The following FAM219A variants were observed in gnomAD, a reference collection of about 807,000 sequenced individuals.
FAM219A encodes protein FAM219A.
FAM219A carries 7 observed loss-of-function variants against 23.4 expected under a neutral mutation model. That is an observed-to-expected ratio of 0.30 (90% confidence interval 0.17 to 0.56). FAM219A has a LOEUF of 0.56. Among genes scored for constraint, FAM219A ranks in the 20% least tolerant of loss-of-function variants. The pLI is 0.92. For synonymous variants in FAM219A, 93 were observed against 99.0 expected, an observed-to-expected ratio of 0.94 and a Z score of 0.36; for missense variants, 166 against 246.9, an observed-to-expected ratio of 0.67 and a Z score of 2.20.
At chr9:34,415,775 T>C (rs1821979845) in intron 1 of FAM219A, among the ~76,000 whole-genome samples, 1 of 152,192 alleles carries the variant, frequency 6.6e-6, no homozygotes, top group African/African-American at 2.4e-5. Context: ...GAAGTGGGAC[T>C]TAAATGGAGA....
intron 1 of FAM219A, among the ~76,000 whole-genome samples, chr9:34,452,195 G>A (rs1370625261): frequency 6.6e-6 from 1 of 152,210 alleles, no homozygotes; most frequent in East Asian, 1.9e-4. Flanking sequence ...ACTGGCAGAT[G>A]AGCGTGTTTC....
intron 1 of FAM219A, among the ~76,000 whole-genome samples, chr9:34,428,817 C>T (rs944011474): frequency 5.9e-5 from 9 of 152,224 alleles, no homozygotes; most frequent in African/African-American, 1.9e-4. Flanking sequence ...TGTTTCTTCT[C>T]CAGGCTTCCT....
intron 1 of FAM219A, among the ~76,000 whole-genome samples, chr9:34,434,618 C>T (rs113384723): frequency 2.6e-5 from 4 of 152,274 alleles, no homozygotes; most frequent in African/African-American, 9.6e-5. Flanking sequence ...AGAGACAACA[C>T]TAATGGGAGG....
At position 34,457,168 on chromosome 9, in the gene FAM219A, C is replaced by T. The variant is rs978829644; in HGVS notation, c.60+1036G>A. Among the ~76,000 whole-genome samples, 1 of 152,218 alleles carries T rather than the reference C, an allele frequency of 6.6e-6. No homozygotes were observed. The highest frequency in any genetic ancestry group is 1.5e-5 in the Non-Finnish European group (1 of 68,030). ...CCACCTTGCCTCCTTCCAATTCCAGCTCAGGCTCCAGGGGGATAAAGCGAA... is the reference window on the plus strand; with the variant it reads ...CCACCTTGCCTCCTTCCAATTCCAGTTCAGGCTCCAGGGGGATAAAGCGAA... On this transcript the variant is annotated intron_variant, in intron 1 of 5. Coordinates refer to ENST00000651358, the MANE Select transcript of FAM219A (RefSeq NM_001184940.2). This position sits in a 1 kb window ranked among gnomAD's most constrained non-coding sequence, Gnocchi z 5.1.
At chr9:34,423,781 G>A (rs751996680) in intron 1 of FAM219A, among the ~76,000 whole-genome samples, 1 of 152,146 alleles carries the variant, frequency 6.6e-6, no homozygotes, top group Admixed American at 6.5e-5. Context: ...AAAGGAGGTG[G>A]AGAAGAAAAA....
intron 1 of FAM219A, among the ~76,000 whole-genome samples, chr9:34,413,126 G>C (rs1821883084): frequency 6.6e-6 from 1 of 151,894 alleles, no homozygotes; most frequent in South Asian, 2.1e-4. Flanking sequence ...TTGGACCATG[G>C]GAGGGAGTCT....
At position 34,398,538 on chromosome 9, in the gene FAM219A, T is replaced by A; in HGVS notation, c.*2426A>T. On this transcript the variant is annotated 3_prime_UTR_variant, in exon 6 of 6. Transcript: ENST00000651358. ...CTGCCTCTCTCTGCCACACATGCAC[T>A]GCCTCAGTTGGAAGCCCTTGCCTGC... 1.5e-6 allele frequency: 1 copy of A among 663,334 alleles called. No homozygotes were observed. The highest frequency in any genetic ancestry group is 2.6e-6 in the Non-Finnish European group (1 of 390,892). 41.1% of individuals were successfully genotyped at this position (663,334 alleles called of 1,614,324 possible).
At chr9:34,413,942 G>A (rs1400011211) in intron 1 of FAM219A, among the ~76,000 whole-genome samples, 1 of 152,224 alleles carries the variant, frequency 6.6e-6, no homozygotes, top group Non-Finnish European at 1.5e-5. Context: ...TTATCCATTG[G>A]TCAGCTGAGA....
intron 1 of FAM219A, among the ~76,000 whole-genome samples, chr9:34,418,644 G>C (rs1028222277): frequency 6.6e-6 from 1 of 152,230 alleles, no homozygotes; most frequent in Non-Finnish European, 1.5e-5. Context: ...CCTATGTCAA[G>C]TCTTGTGACC....
In FAM219A at chr9:34,400,879, CAGACG is replaced by C. The variant is rs1044034282; in HGVS notation, c.*80_*84del. ...GTAGGGGCGCGGGGCCGGGGGCAGG[CAGACG>C]AGCTGGGAAGGGGTCGGCCTCTGCC... is the stretch of plus-strand genomic sequence containing the variant. On this transcript the variant is annotated 3_prime_UTR_variant, in exon 6 of 6. Coordinates refer to ENST00000651358, the MANE Select transcript of FAM219A (RefSeq NM_001184940.2). 1.5e-6 allele frequency: 2 copies of C among 1,374,410 alleles called. No homozygotes were observed. Among genetic ancestry groups the C allele is most frequent in the African/African-American group, 3.0e-5 (2 of 66,584 alleles). 85.1% of individuals were successfully genotyped at this position (1,374,410 alleles called of 1,614,324 possible). A position where few individuals can be genotyped will look rare whatever the true frequency, so the allele number is the denominator to read the frequency against.
At chr9:34,434,877 T>C (rs888334388) in intron 1 of FAM219A, among the ~76,000 whole-genome samples, 1 of 152,196 alleles carries the variant, frequency 6.6e-6, no homozygotes, top group African/African-American at 2.4e-5. Context: ...TGGAGTGCAG[T>C]GGTGGGATCT....
chr9:34,408,262 C>T (rs540917130), intron 1 of FAM219A, among the ~76,000 whole-genome samples: 1 of 152,342 alleles, frequency 6.6e-6, no homozygotes, highest in Middle Eastern at 3.4e-3. Context: ...ATAGACAGCA[C>T]CTGTCCTGCA....
rs201648779 is a variant in FAM219A, at chr9:34,405,952, C to A, written c.73G>T (p.Ala25Ser). 6.2e-7 allele frequency: 1 copy of A among 1,611,406 alleles called. No homozygotes were observed. Among genetic ancestry groups the A allele is most frequent in the Non-Finnish European group, 8.5e-7 (1 of 1,178,614 alleles). The change falls in exon 2 of 6, where the codon GCC becomes TCC. Residue 25 changes from alanine to serine, a missense_variant. This residue lies in a region of FAM219A where 89 missense variants were observed against 98.8 expected (regional missense o/e 0.90). Coordinates refer to ENST00000651358, the MANE Select transcript of FAM219A (RefSeq NM_001184940.2). ...TCACAGTCTCCGTCAGAGATGGAGG[C>A]GGCGGCTGGGTCCTGTGGGGAGAAA... ...SEMQPLDPAA[A>S]SISDGDCDAR...
At chr9:34,454,749 G>A (rs1427461939) in intron 1 of FAM219A, among the ~76,000 whole-genome samples, 3 of 152,016 alleles carry the variant, frequency 2.0e-5, no homozygotes, top group Admixed American at 6.5e-5. Context: ...GTTCTGCCAC[G>A]CCCCCAGGCC....
intron 1 of FAM219A, among the ~76,000 whole-genome samples, chr9:34,425,282 C>G (rs1389560826): frequency 6.6e-6 from 1 of 151,964 alleles, no homozygotes; most frequent in Non-Finnish European, 1.5e-5. Context: ...GAGTTTGAGA[C>G]CAGCCTGGCC....
At chr9:34,425,215 T>A (rs1822413437) in intron 1 of FAM219A, among the ~76,000 whole-genome samples, 1 of 152,176 alleles carries the variant, frequency 6.6e-6, no homozygotes, top group African/African-American at 2.4e-5. Context: ...CCACAGTGGC[T>A]CATACCTGTA....
intron 1 of FAM219A, among the ~76,000 whole-genome samples, chr9:34,426,913 G>A (rs1390735113): frequency 2.0e-5 from 3 of 152,024 alleles, no homozygotes; most frequent in Admixed American, 2.0e-4. Context: ...CTGCTGCTAG[G>A]AAGATGGAAC....
chr9:34,428,519 T>C (rs763190424), intron 1 of FAM219A, among the ~76,000 whole-genome samples: 1 of 152,240 alleles, frequency 6.6e-6, no homozygotes, highest in Non-Finnish European at 1.5e-5. Context: ...TTAGAATTCA[T>C]GGGCCCTTGT....
rs1334017746 is a variant in FAM219A at position 34,417,775 on chromosome 9, G to A, written c.61-11811C>T. On this transcript the variant is annotated intron_variant, in intron 1 of 5. Coordinates refer to ENST00000651358, the MANE Select transcript of FAM219A (RefSeq NM_001184940.2). The surrounding 1 kb of genome is among the most constrained non-coding windows in gnomAD (Gnocchi z 4.1). ...TCCTCATTTACCTGGTTCCCTCTGG[G>A]AAATCTTCTTTCATAGAACAGAATT... Among the ~76,000 whole-genome samples the A allele has an allele frequency of 6.6e-6, 1 of 152,136 alleles. No homozygotes were observed. The highest frequency in any genetic ancestry group is 1.5e-5 in the Non-Finnish European group (1 of 68,036).
Sources: allele counts gnomAD v4.1 joint callset (sites outside exome capture counted in the v4.1 genomes callset), GRCh38; gene constraint gnomAD v4.1.1; regional missense constraint gnomAD v4.1.1; non-coding constraint Gnocchi (gnomAD v3.1); transcripts MANE v1.5; gene names NCBI Gene and HGNC (gene_info 2026-07-23, HGNC 2026-07-21).